Variants in NR2C2 observed in about 807,000 individuals in gnomAD.
NR2C2 encodes nuclear receptor subfamily 2 group C member 2, also known as Nuclear hormone receptor TR4.
Under a neutral mutation model 62.9 loss-of-function variants are expected in NR2C2, and 6 were observed. The observed-to-expected ratio is 0.10, with a 90% confidence interval of 0.05 to 0.19. NR2C2 has a LOEUF of 0.19. NR2C2 is among the 10% of genes least tolerant of loss of function. NR2C2 has a pLI of 1.00. For missense variants in NR2C2, 479 were observed against 762.7 expected, an observed-to-expected ratio of 0.63 and a Z score of 4.38; for synonymous variants, 272 against 273.8, an observed-to-expected ratio of 0.99 and a Z score of 0.07.
chr3:14,985,751 TGCACATTGAA>T, intron 1 of NR2C2, among the ~76,000 whole-genome samples: 1 of 152,296 alleles, frequency 6.6e-6, no homozygotes, highest in East Asian at 1.9e-4. Context: ...CATTTAAGTT[TGCACATTGAA>T]GTATTTTCCA....
intron 9 of NR2C2, 144 bp from the exon 10 acceptor site, chr3:15,032,235 G>A: frequency 9.0e-7 from 1 of 1,108,428 alleles, no homozygotes; most frequent in Non-Finnish European, 1.3e-6. Context: ...GTCCGTGCAA[G>A]CCCCCCGACT....
At chr3:14,965,503 C>T (rs1574935026) in intron 1 of NR2C2, among the ~76,000 whole-genome samples, 1 of 105,730 alleles carries the variant, frequency 9.5e-6, no homozygotes, top group South Asian at 3.1e-4. Context: ...TAACTTAGTA[C>T]AACTGTTGTT....
At chr3:15,037,762 A>G (rs1353651607) in intron 11 of NR2C2, among the ~76,000 whole-genome samples, 1 of 152,250 alleles carries the variant, frequency 6.6e-6, no homozygotes, top group East Asian at 1.9e-4. Flanking sequence ...CAGCAGGGTC[A>G]GGGAGAATCA....
intron 1 of NR2C2, among the ~76,000 whole-genome samples, chr3:14,950,341 C>CT (rs1391928421): frequency 6.6e-6 from 1 of 152,198 alleles, no homozygotes; most frequent in African/African-American, 2.4e-5. Context: ...ACAGAACTCT[C>CT]TTACAGGCAG....
At chr3:14,970,516 A>C (rs1187852017) in intron 1 of NR2C2, among the ~76,000 whole-genome samples, 1 of 152,006 alleles carries the variant, frequency 6.6e-6, no homozygotes, top group Non-Finnish European at 1.5e-5. Context: ...TTTGGCAACC[A>C]CCATTCTTTC....
intron 1 of NR2C2, among the ~76,000 whole-genome samples, chr3:14,991,315 A>G (rs897046152): frequency 3.9e-5 from 6 of 152,220 alleles, no homozygotes; most frequent in Non-Finnish European, 7.3e-5. Context: ...AACTGCACAT[A>G]AAAGTCAGCA....
At position 14,992,348 on chromosome 3, in the gene NR2C2, A is replaced by T. The variant is rs565543487; in HGVS notation, c.-39-11528A>T. Among the ~76,000 whole-genome samples, 28 of 152,222 alleles carry T rather than the reference A, an allele frequency of 1.8e-4. No homozygotes were observed. In the East Asian group the frequency reaches 4.0e-3, roughly 22 times the overall value. ...GGTTTATATAATGAACTGCCAGGGC[A>T]GGTGTTGTGCTGTACCTCCAGGGTG... On this transcript the variant is annotated intron_variant, in intron 1 of 13. Transcript: ENST00000425241.
At chr3:14,995,406 G>A (rs1404538674) in intron 1 of NR2C2, among the ~76,000 whole-genome samples, 1 of 144,574 alleles carries the variant, frequency 6.9e-6, no homozygotes, top group East Asian at 2.0e-4. Flanking sequence ...CTTTATATTT[G>A]TTCTGGACAT....
chr3:14,951,754 G>GC (rs1553635304), intron 1 of NR2C2, among the ~76,000 whole-genome samples: 1 of 150,316 alleles, frequency 6.7e-6, no homozygotes, highest in Non-Finnish European at 1.5e-5. Flanking sequence ...TTTTTTGTGT[G>GC]TTTTTTTTTG....
chr3:15,024,323 C>T, intron 7 of NR2C2, 115 bp downstream of exon 7: 1 of 680,366 alleles, frequency 1.5e-6, no homozygotes, highest in East Asian at 2.7e-5. Flanking sequence ...AAAAGCATGA[C>T]CTATGTCTCG....
intron 8 of NR2C2, 98 bp from the exon 9 acceptor site, chr3:15,030,177 T>C: frequency 7.7e-6 from 8 of 1,035,672 alleles, no homozygotes; most frequent in Admixed American, 2.8e-5. Context: ...AATTTAATTA[T>C]CTTTTCCCAC....
chr3:15,020,736 T>A lies in NR2C2; in HGVS notation c.377-17T>A. On this transcript the variant is annotated splice_polypyrimidine_tract_variant and intron_variant, in intron 4 of 13. Transcript: ENST00000425241. ...ATATAGTCACAAAATATTTGTGTAT[T>A]CTTTCTCCTGTTTCAGGCCGTCACT... is the stretch of plus-strand genomic sequence containing the variant. 3 of 1,612,018 alleles carry A rather than the reference T, an allele frequency of 1.9e-6. No homozygotes were observed. The highest frequency in any genetic ancestry group is 2.5e-6 in the Non-Finnish European group (3 of 1,178,738).
intron 1 of NR2C2, among the ~76,000 whole-genome samples, chr3:14,964,175 GT>G (rs1206451857): frequency 6.6e-6 from 1 of 151,902 alleles, no homozygotes; most frequent in African/African-American, 2.4e-5. Context: ...CATATTTCTG[GT>G]CAAAAAATAA....
intron 6 of NR2C2, 116 bp downstream of exon 6, chr3:15,023,463 G>A: frequency 8.3e-7 from 1 of 1,203,302 alleles, no homozygotes; most frequent in Non-Finnish European, 1.2e-6. Flanking sequence ...CTCCAGCGTT[G>A]TGTTGCCTAA....
chr3:14,958,875 C>T (rs938456756), intron 1 of NR2C2, among the ~76,000 whole-genome samples: 1 of 152,198 alleles, frequency 6.6e-6, no homozygotes, highest in Non-Finnish European at 1.5e-5. Context: ...ACTGGGGAGG[C>T]TGAGGCAGGA....
Position 15,034,868 on chromosome 3 carries a change from CAGA to C in NR2C2, c.1372+60_1372+62del, listed in dbSNP as rs1483726097. Reference sequence around the variant, plus strand: ...TTGGTTCAGCCTGGTGGCCATGGAGCAGAGCCCAGCCCCCTGGTTGGAGGCTCA... The same window carrying C: ...TTGGTTCAGCCTGGTGGCCATGGAGCGCCCAGCCCCCTGGTTGGAGGCTCA... On this transcript the variant is annotated intron_variant, in intron 11 of 13. Transcript: ENST00000425241. 4.7e-4 allele frequency: 708 copies of C among 1,496,070 alleles called. 3 individuals carry two copies. The highest frequency in any genetic ancestry group is 4.2e-5 in the Non-Finnish European group (47 of 1,112,498). 92.7% of individuals were successfully genotyped at this position (1,496,070 alleles called of 1,614,324 possible).
intron 1 of NR2C2, among the ~76,000 whole-genome samples, chr3:14,964,822 A>G (rs1393432653): frequency 6.6e-6 from 1 of 151,878 alleles, no homozygotes; most frequent in African/African-American, 2.4e-5. Context: ...GTGCCCGGCC[A>G]TGAATTTTTA....
Position 15,003,935 on chromosome 3 carries a change from C to A in NR2C2, c.21C>A (p.Arg7=). Reference sequence around the variant, plus strand: ...CAGGGATGACCAGCCCCTCCCCACGCATCCAGATAATCTCCACCGACTCTG... The same window carrying A: ...CAGGGATGACCAGCCCCTCCCCACGAATCCAGATAATCTCCACCGACTCTG... The part of the protein sequence containing the change: MTSPSP[R]IQIISTDSAV... Residue 7 remains arginine, a synonymous_variant, in exon 2 of 14, where the codon CGC becomes CGA. Transcript: ENST00000425241. 1 of 1,613,942 alleles carries A rather than the reference C, an allele frequency of 6.2e-7. No homozygotes were observed. The highest frequency in any genetic ancestry group is 8.5e-7 in the Non-Finnish European group (1 of 1,179,934).
At chr3:14,967,143 T>C (rs1283087232) in intron 1 of NR2C2, among the ~76,000 whole-genome samples, 1 of 152,160 alleles carries the variant, frequency 6.6e-6, no homozygotes, top group Admixed American at 6.5e-5. Context: ...TTTGTTGGTG[T>C]ACAGTTCTTC....
Sources: gnomAD v4.1 joint callset for allele counts (sites outside exome capture counted in the v4.1 genomes callset) on GRCh38, gnomAD v4.1.1 for gene constraint, MANE v1.5 for transcripts, NCBI Gene and HGNC (gene_info 2026-07-23, HGNC 2026-07-21) for gene names.